DHRS9: variants seen among roughly 807,000 people sequenced by gnomAD.
The protein encoded by DHRS9 is dehydrogenase/reductase SDR family member 9.
A neutral mutation model predicts 26.6 loss-of-function variants in DHRS9; 18 were observed. The observed-to-expected ratio is 0.68, with a 90% CI of 0.47 to 1.00. The LOEUF (loss-of-function observed/expected upper bound fraction) is 1.00, where lower values mean the gene tolerates loss of function less well. DHRS9 is among the 50% of genes least tolerant of loss of function. The pLI, the probability that DHRS9 is intolerant of heterozygous loss-of-function variation, is 0.00. For synonymous variants in DHRS9, 134 were observed against 141.1 expected (o/e 0.95, Z 0.36); for missense variants, 425 against 378.7 (o/e 1.12, Z -1.01).
At chr2:169,074,298 C>G (rs1683896025) in intron 1 of DHRS9, 1 of 985,316 alleles carries the variant, frequency 1.0e-6, no homozygotes, top group Non-Finnish European at 1.2e-6. Flanking sequence ...TCCGAGGGCC[C>G]TCTGATGATA....
intron 4 of DHRS9, 54 bp downstream of exon 4, chr2:169,092,007 T>C: frequency 1.3e-6 from 2 of 1,565,190 alleles, no homozygotes; most frequent in Admixed American, 1.9e-5. Context: ...CTGAACAGCA[T>C]GAAGGAGATT....
intron 1 of DHRS9, chr2:169,072,589 G>T (rs1253904165): frequency 5.1e-6 from 5 of 985,212 alleles, no homozygotes; most frequent in Non-Finnish European, 6.0e-6. Context: ...ACAAACTCAG[G>T]AAGAAAAAGA....
At chr2:169,068,099 C>T (rs185505030), upstream of DHRS9, among the ~76,000 whole-genome samples, 1 of 152,266 alleles carries the variant, frequency 6.6e-6, no homozygotes, top group African/African-American at 2.4e-5. Flanking sequence ...ACTGCATGAC[C>T]ACCCAGGTGC....
chr2:169,094,512 CA>C (rs1684633136), intron 4 of DHRS9, among the ~76,000 whole-genome samples: 1 of 149,884 alleles, frequency 6.7e-6, no homozygotes, highest in Non-Finnish European at 1.5e-5. Flanking sequence ...AGACCAATGT[CA>C]AGAAGTATTT....
intron 4 of DHRS9, 86 bp downstream of exon 4, chr2:169,092,039 G>C: frequency 7.0e-7 from 1 of 1,422,186 alleles, no homozygotes; most frequent in Non-Finnish European, 9.5e-7. Context: ...GAAATAACAA[G>C]GTTCTGAGTA....
chr2:169,070,315 T>G (rs1683760674), intron 1 of DHRS9: 1 of 985,316 alleles, frequency 1.0e-6, no homozygotes, highest in Non-Finnish European at 1.2e-6. Flanking sequence ...GCTTTAGATA[T>G]TTACTCCCCA....
intron 1 of DHRS9, chr2:169,074,518 A>G (rs1683903366): frequency 1.1e-6 from 1 of 903,612 alleles, no homozygotes; most frequent in Non-Finnish European, 1.3e-6. Context: ...GTGCAGAGGT[A>G]ACCACAGCTG....
At chr2:169,075,765 T>C (rs1489258999) in intron 1 of DHRS9, among the ~76,000 whole-genome samples, 1 of 152,198 alleles carries the variant, frequency 6.6e-6, no homozygotes, top group Non-Finnish European at 1.5e-5. Flanking sequence ...TGTTTCCCCA[T>C]GCATAATTAG....
chr2:169,079,735 C>A (rs1344124087), intron 1 of DHRS9, among the ~76,000 whole-genome samples: 2 of 151,258 alleles, frequency 1.3e-5, no homozygotes, highest in East Asian at 3.9e-4. Context: ...GTGGCAGGTG[C>A]TTGTAATCCC....
rs760219749 is a variant in DHRS9 at position 169,083,529 on chromosome 2, G to A, written c.514G>A (p.Val172Ile). 176 of 1,613,930 alleles carry A rather than the reference G, an allele frequency of 1.1e-4. No homozygotes were observed. The highest frequency in any genetic ancestry group is 1.8e-4 in the East Asian group (8 of 44,882). ...VSSVGGRLAIVGGGYTPSKYA... is the reference protein window; with the variant it reads ...VSSVGGRLAIIGGGYTPSKYA... Reference sequence around the variant, plus strand: ...CAGTGTTGGAGGTCGCCTTGCAATCGTTGGAGGGGGCTATACTCCATCCAA... The same window carrying A: ...CAGTGTTGGAGGTCGCCTTGCAATCATTGGAGGGGGCTATACTCCATCCAA... The change falls in exon 3 of 5, where the codon GTT (valine) becomes ATT (isoleucine). Residue 172 changes from valine to isoleucine, a missense_variant. Transcript: ENST00000674881.
At chr2:169,067,600 GA>G (rs903821562), upstream of DHRS9, among the ~76,000 whole-genome samples, 24 of 151,990 alleles carry the variant, frequency 1.6e-4, no homozygotes, top group Admixed American at 1.2e-3. Context: ...AAGGAACTAG[GA>G]AAAAACTCAA....
At chr2:169,069,746 C>A (rs533160938) in intron 1 of DHRS9, 29 bp downstream of exon 1, 3 of 985,334 alleles carry the variant, frequency 3.0e-6, no homozygotes, top group Admixed American at 1.2e-4. Context: ...GTCATTTATT[C>A]TTTTATTTAT....
chr2:169,084,751 C>T (rs1051859991), intron 3 of DHRS9, among the ~76,000 whole-genome samples: 13 of 152,042 alleles, frequency 8.6e-5, no homozygotes, highest in Non-Finnish European at 1.9e-4. Flanking sequence ...AGATGGGTAG[C>T]TTTCAAATAT....
At chr2:169,083,726 T>C in intron 3 of DHRS9, 139 bp downstream of exon 3, 2 of 956,514 alleles carry the variant, frequency 2.1e-6, no homozygotes, top group Non-Finnish European at 3.0e-6. Flanking sequence ...ATAGTAGGTA[T>C]ATATATTTAT....
At chr2:169,083,892 A>T (rs957125510) in intron 3 of DHRS9, among the ~76,000 whole-genome samples, 2 of 152,174 alleles carry the variant, frequency 1.3e-5, no homozygotes, top group Middle Eastern at 3.4e-3. Flanking sequence ...TAAATTGTTG[A>T]CTGTAGTCAC....
chr2:169,081,857 G>C lies in DHRS9; in HGVS notation c.276G>C (p.Arg92Ser), dbSNP rs111631286. Reference protein sequence around the residue: ...LDVTDPENVKRTAQWVKNQVG... With the variant: ...LDVTDPENVKSTAQWVKNQVG... ...TGACCGACCCAGAGAATGTCAAGAGGACTGCCCAGTGGGTGAAGAACCAAG... is the reference window on the plus strand; with the variant it reads ...TGACCGACCCAGAGAATGTCAAGAGCACTGCCCAGTGGGTGAAGAACCAAG... Residue 92 changes from arginine (R) to serine (S), a missense_variant, in exon 2 of 5, where the codon AGG (arginine) becomes AGC (serine). Arg to Ser is a moderately radical substitution (Grantham distance 110). Coordinates refer to ENST00000674881, the MANE Select transcript of DHRS9 (RefSeq NM_001376924.1). 376 of 1,612,670 alleles carry C rather than the reference G, an allele frequency of 2.3e-4. 2 individuals carry two copies. The African/African-American group carries it at 4.1e-3, about 17-fold the overall frequency.
chr2:169,084,812 C>T lies in DHRS9; in HGVS notation c.572+1225C>T, dbSNP rs1684300848. Among the ~76,000 whole-genome samples, 5 of 152,060 alleles carry T rather than the reference C, an allele frequency of 3.3e-5. No homozygotes were observed. The South Asian group carries it at 8.3e-4, about 25-fold the overall frequency. On this transcript the variant is annotated intron_variant, in intron 3 of 4. Coordinates refer to ENST00000674881, the MANE Select transcript of DHRS9 (RefSeq NM_001376924.1). ...TTCACTTTTTTGATTGTTTCCTTTG[C>T]TGTGCAGAAGCTTTTCAAATTGATG...
At chr2:169,067,222 C>G (rs1005019418), upstream of DHRS9, 3 of 1,535,464 alleles carry the variant, frequency 2.0e-6, no homozygotes, top group Non-Finnish European at 2.6e-6. Flanking sequence ...AAGAGTGACA[C>G]TGGATATACT....
rs1323360005 is a variant in DHRS9, at chr2:169,070,687, ACT to A, written c.-60+972_-60+973del. The A allele has an allele frequency of 6.1e-6, 6 of 984,368 alleles. No homozygotes were observed. In the African/African-American group the frequency reaches 7.0e-5, roughly 11 times the overall value. The allele number at this position is 984,368 out of a possible 1,614,324, so 61.0% of individuals were successfully genotyped here. ...TTAAGTACACACAAAAAAATCATTAACTCATATATTTCAAGAGTAGGAAATGG... is the reference window on the plus strand; with the variant it reads ...TTAAGTACACACAAAAAAATCATTAACATATATTTCAAGAGTAGGAAATGG... On this transcript the variant is annotated intron_variant, in intron 1 of 4. Coordinates refer to ENST00000674881, the MANE Select transcript of DHRS9 (RefSeq NM_001376924.1).
Sources: allele counts gnomAD v4.1 joint callset (sites outside exome capture counted in the v4.1 genomes callset), GRCh38; gene constraint gnomAD v4.1.1; transcripts MANE v1.5; gene names NCBI Gene and HGNC (gene_info 2026-07-23, HGNC 2026-07-21).